Variants in TRMT2A observed in about 807,000 individuals in gnomAD.
TRMT2A encodes tRNA methyltransferase 2A.
Under a neutral mutation model 59.3 loss-of-function variants are expected in TRMT2A, and 60 were observed. The ratio of observed to expected loss-of-function variants is 1.01; its 90% CI spans 0.82 to 1.26. The LOEUF (loss-of-function observed/expected upper bound fraction) is 1.26. Ranked by LOEUF, TRMT2A falls within the 50% of genes most tolerant of loss-of-function variation. The pLI, the probability that TRMT2A is intolerant of heterozygous loss-of-function variation, is 0.00. For missense variants in TRMT2A, 863 were observed against 845.2 expected (o/e 1.02, Z -0.26); for synonymous variants, 403 against 353.7 (o/e 1.14, Z -1.56).
rs1391201782 is a variant in TRMT2A, at chr22:20,115,541, G to A, written c.709-94C>T. 9.1e-5 allele frequency: 143 copies of A among 1,564,940 alleles called. 1 individual carries two copies. The highest frequency in any genetic ancestry group is 5.6e-5 in the South Asian group (5 of 89,332). On this transcript the variant is annotated intron_variant, in intron 3 of 11. Coordinates refer to ENST00000252136, the MANE Select transcript of TRMT2A (RefSeq NM_022727.6). ...CACAGGGGCTGGCAGTCAAACAAGA[G>A]GAACAGCTGACAACTATGTGATGTT...
At position 20,117,138 on chromosome 22, in the gene TRMT2A, G is replaced by A; in HGVS notation, c.-232C>T. 1.8e-6 allele frequency: 1 copy of A among 571,202 alleles called. No homozygotes were observed. Among genetic ancestry groups the A allele is most frequent in the Non-Finnish European group, 2.9e-6 (1 of 345,912 alleles). The allele number at this position is 571,202 out of a possible 1,614,324, so 35.4% of individuals were successfully genotyped here. A position where few individuals can be genotyped will look rare whatever the true frequency, so the allele number is the denominator to read the frequency against. On this transcript the variant is annotated 5_prime_UTR_variant, in exon 1 of 12. Coordinates refer to ENST00000252136, the MANE Select transcript of TRMT2A (RefSeq NM_022727.6). ...CGGGTCTCAGGCTTGGGGCTGTACCGCCCGCCCGCCAGGGGCCCGCGCCGG... is the reference window on the plus strand; with the variant it reads ...CGGGTCTCAGGCTTGGGGCTGTACCACCCGCCCGCCAGGGGCCCGCGCCGG...
intron 4 of TRMT2A, 69 bp from the exon 5 acceptor site, chr22:20,115,148 C>T (rs550527872): frequency 1.9e-6 from 3 of 1,561,718 alleles, no homozygotes; most frequent in Non-Finnish European, 2.6e-6. Flanking sequence ...TCTCCTCTGG[C>T]CACACCTTCC....
rs763058885 is a variant in TRMT2A, at chr22:20,114,562, A to G, written c.1233+12T>C. On this transcript the variant is annotated intron_variant, in intron 7 of 11. Coordinates refer to ENST00000252136, the MANE Select transcript of TRMT2A (RefSeq NM_022727.6). ...CAACATGTCCCCATGCCCACCAGGG[A>G]CTCATGGCTACCTGGAAGAAGGCGT... The G allele has an allele frequency of 3.1e-6, 5 of 1,607,470 alleles. No individual in the cohort carries two copies. In the South Asian group the frequency reaches 5.5e-5, roughly 18 times the overall value.
rs200653246 is a variant in TRMT2A, at chr22:20,116,255, C to T, written c.382G>A (p.Val128Ile). 1.2e-4 allele frequency: 193 copies of T among 1,612,860 alleles called. No homozygotes were observed. Among genetic ancestry groups the T allele is most frequent in the East Asian group, 2.9e-4 (13 of 44,898 alleles). ...CCTTTCCAGAGGGCACCATGCAAAA[C>T]GCGCAGGGCCTTGTCCCTCTCTGCA... ...SAAERDKALR[V>I]LHGALWKGRP... is the part of the protein sequence containing the mutation. Residue 128 changes from valine to isoleucine, a missense_variant, in exon 2 of 12, where the codon GTT becomes ATT. By Grantham distance (29) the Val-to-Ile change is conservative. Transcript: ENST00000252136.
rs537374402 is a variant in TRMT2A at position 20,114,478 on chromosome 22, A to T, written c.1233+96T>A. 1.3e-5 allele frequency: 14 copies of T among 1,054,984 alleles called. No homozygotes were observed. The Middle Eastern group carries it at 8.0e-4, about 61-fold the overall frequency. 65.4% of individuals were successfully genotyped at this position (1,054,984 alleles called of 1,614,324 possible). Reference sequence around the variant, plus strand: ...GCTCACCTGCCTGGATACTCCCCCAAATCTCACCGCCTGAGCCCACTGTTC... The same window carrying T: ...GCTCACCTGCCTGGATACTCCCCCATATCTCACCGCCTGAGCCCACTGTTC... On this transcript the variant is annotated intron_variant, in intron 7 of 11. Coordinates refer to ENST00000252136, the MANE Select transcript of TRMT2A (RefSeq NM_022727.6).
chr22:20,112,385 C>T lies in TRMT2A; in HGVS notation c.*178G>A. ...GGGATGGGCAACAGGCTACAGGAAC[C>T]CACCTGTCTTCCTGGTCAGGGCCCC... On this transcript the variant is annotated 3_prime_UTR_variant, in exon 12 of 12. Coordinates refer to ENST00000252136, the MANE Select transcript of TRMT2A (RefSeq NM_022727.6). The T allele has an allele frequency of 1.3e-6, 1 of 788,818 alleles. No homozygotes were observed. The highest frequency in any genetic ancestry group is 2.0e-6 in the Non-Finnish European group (1 of 501,752). The allele number at this position is 788,818 out of a possible 1,614,324, so 48.9% of individuals were successfully genotyped here.
Position 20,115,430 on chromosome 22 carries a change from C to T in TRMT2A, c.726G>A (p.Lys242=), listed in dbSNP as rs374698499. The T allele has an allele frequency of 1.1e-5, 18 of 1,610,184 alleles. No homozygotes were observed. Among genetic ancestry groups the T allele is most frequent in the African/African-American group, 2.7e-5 (2 of 74,912 alleles). The change falls in exon 4 of 12, where the codon AAG becomes AAA. Residue 242 remains lysine, a synonymous_variant. Coordinates refer to ENST00000252136, the MANE Select transcript of TRMT2A (RefSeq NM_022727.6). ...PSPQQTEYRN[K]CEFLVGVGVD... is the part of the protein sequence containing the mutation. ...CCCCGACGCCAACCAGAAACTCACA[C>T]TTATTACGATACTCAGTCTGCAGGG...
rs988581474 is a variant in TRMT2A at position 20,114,563 on chromosome 22, C to G, written c.1233+11G>C. On this transcript the variant is annotated intron_variant, in intron 7 of 11. Coordinates refer to ENST00000252136, the MANE Select transcript of TRMT2A (RefSeq NM_022727.6). Reference sequence around the variant, plus strand: ...AACATGTCCCCATGCCCACCAGGGACTCATGGCTACCTGGAAGAAGGCGTG... The same window carrying G: ...AACATGTCCCCATGCCCACCAGGGAGTCATGGCTACCTGGAAGAAGGCGTG... 2.5e-6 allele frequency: 4 copies of G among 1,608,870 alleles called. No individual in the cohort carries two copies. The highest frequency in any genetic ancestry group is 3.4e-6 in the Non-Finnish European group (4 of 1,175,668).
chr22:20,113,414 C>CCCCG lies in TRMT2A; in HGVS notation c.1432+17_1432+18insCGGG. 1 of 1,590,682 alleles carries CCCCG rather than the reference C, an allele frequency of 6.3e-7. No homozygotes were observed. Among genetic ancestry groups the CCCCG allele is most frequent in the Non-Finnish European group, 8.6e-7 (1 of 1,166,890 alleles). ...GGCTGCCCCCATCCCCACCCCCACCCACGGCCTTGCCACTCACCATTGTCC... is the reference window on the plus strand; with the variant it reads ...GGCTGCCCCCATCCCCACCCCCACCCCCCGACGGCCTTGCCACTCACCATTGTCC... On this transcript the variant is annotated intron_variant, in intron 9 of 11. Transcript: ENST00000252136.
At chr22:20,114,381 G>T (rs1057513591) in intron 7 of TRMT2A, among the ~76,000 whole-genome samples, 193 bp downstream of exon 7, 2 of 152,224 alleles carry the variant, frequency 1.3e-5, no homozygotes, top group Admixed American at 1.3e-4. Flanking sequence ...GGCCACTGCC[G>T]TGTGTACCTC....
chr22:20,116,948 G>C lies in TRMT2A; in HGVS notation c.-42C>G. 1 of 1,572,798 alleles carries C rather than the reference G, an allele frequency of 6.4e-7. No individual in the cohort carries two copies. Among genetic ancestry groups the C allele is most frequent in the Non-Finnish European group, 8.6e-7 (1 of 1,158,818 alleles). ...CGCCTAGACCAGGGACGCCATGGGG[G>C]CCGCCTGGCCACCTCGTCCTGGGCC... On this transcript the variant is annotated 5_prime_UTR_variant, in exon 1 of 12. Coordinates refer to ENST00000252136, the MANE Select transcript of TRMT2A (RefSeq NM_022727.6).
Position 20,112,756 on chromosome 22 carries a change from G to C in TRMT2A, c.1685C>G (p.Pro562Arg). Residue 562 changes from proline to arginine, a missense_variant, in exon 12 of 12, where the codon CCC becomes CGC. Physicochemically the swap from Pro to Arg is moderately radical, Grantham distance 103 (BLOSUM62 -2). Coordinates refer to ENST00000252136, the MANE Select transcript of TRMT2A (RefSeq NM_022727.6). The stretch of plus-strand genomic sequence containing the variant: ...TGCCACAGCCTTGACCGGCCGGAAG[G>C]GAATGCCCTTCACCCGGTTAGATGG... ...RAPSNRVKGI[P>R]FRPVKAVAVD... The C allele has an allele frequency of 6.2e-7, 1 of 1,613,766 alleles. No homozygotes were observed. Among genetic ancestry groups the C allele is most frequent in the Non-Finnish European group, 8.5e-7 (1 of 1,180,010 alleles).
rs1602506523 is a variant in TRMT2A, at chr22:20,112,805, A to G, written c.1647-11T>C. The G allele has an allele frequency of 1.2e-6, 2 of 1,612,300 alleles. No homozygotes were observed. The highest frequency in any genetic ancestry group is 1.3e-5 in the African/African-American group (1 of 74,898). On this transcript the variant is annotated splice_polypyrimidine_tract_variant and intron_variant, in intron 11 of 11. Coordinates refer to ENST00000252136, the MANE Select transcript of TRMT2A (RefSeq NM_022727.6). ...GGGGCTCTGCAGAGGCTGTGGGGGG[A>G]AAAGGGGGGCGCTAAGGTCAGCCGA... is the stretch of plus-strand genomic sequence containing the variant.
In TRMT2A at chr22:20,114,714, G is replaced by A. The variant is rs376958830; in HGVS notation, c.1122-29C>T. On this transcript the variant is annotated intron_variant, in intron 6 of 11. Coordinates refer to ENST00000252136, the MANE Select transcript of TRMT2A (RefSeq NM_022727.6). ...TGGGCGAAGGTGCAGGTCCTTCAGT[G>A]TCACAGTCCCTGCAGGGACCTGCCC... 170 of 1,611,870 alleles carry A rather than the reference G, an allele frequency of 1.1e-4. 1 individual carries two copies. In the African/African-American group the frequency reaches 2.1e-3, roughly 20 times the overall value.
At chr22:20,113,056 C>A (rs1303683517) in intron 10 of TRMT2A, 49 bp from the exon 11 acceptor site, 1 of 1,612,304 alleles carries the variant, frequency 6.2e-7, no homozygotes, top group African/African-American at 1.3e-5. Flanking sequence ...GAGTGCATAA[C>A]ATGGTGAGCC....
chr22:20,115,078 A>G lies in TRMT2A; in HGVS notation c.892T>C (p.Ser298Pro). The G allele has an allele frequency of 6.3e-7, 1 of 1,588,896 alleles. No individual in the cohort carries two copies. ...GGGTCGTATGCCGAGTATGGAGTGG[A>G]CCTGTGGGAATCACGAGCTGGCCCA... ...VVKAFQEFIR[S>P]TPYSAYDPET... The change falls in exon 5 of 12, where the codon TCC becomes CCC. Residue 298 changes from serine (S) to proline (P), a missense_variant and splice_region_variant. Physicochemically the swap from Ser to Pro is moderately conservative, Grantham distance 74. Coordinates refer to ENST00000252136, the MANE Select transcript of TRMT2A (RefSeq NM_022727.6).
At chr22:20,113,874 C>T in intron 7 of TRMT2A, 66 bp from the exon 8 acceptor site, 1 of 1,485,896 alleles carries the variant, frequency 6.7e-7, no homozygotes, top group Non-Finnish European at 8.9e-7. Context: ...TGCCCCGACG[C>T]CCACATTCCT....
chr22:20,116,257 C>A lies in TRMT2A; in HGVS notation c.380G>T (p.Arg127Leu), dbSNP rs560448160. The A allele has an allele frequency of 1.2e-5, 20 of 1,612,990 alleles. No homozygotes were observed. In the East Asian group the frequency reaches 4.5e-4, roughly 36 times the overall value. The change falls in exon 2 of 12, where the codon CGC becomes CTC. Residue 127 changes from arginine (R) to leucine (L), a missense_variant. By Grantham distance (102) the Arg-to-Leu change is moderately radical. Coordinates refer to ENST00000252136, the MANE Select transcript of TRMT2A (RefSeq NM_022727.6). Reference protein sequence around the residue: ...RSAAERDKALRVLHGALWKGR... With the variant: ...RSAAERDKALLVLHGALWKGR... The stretch of plus-strand genomic sequence containing the variant: ...TTTCCAGAGGGCACCATGCAAAACG[C>A]GCAGGGCCTTGTCCCTCTCTGCAGC...
At position 20,116,890 on chromosome 22, in the gene TRMT2A, T is replaced by C; in HGVS notation, c.17A>G (p.Asp6Gly). 5 of 1,605,056 alleles carry C rather than the reference T, an allele frequency of 3.1e-6. No individual in the cohort carries two copies. Among genetic ancestry groups the C allele is most frequent in the Non-Finnish European group, 4.3e-6 (5 of 1,176,378 alleles). The change falls in exon 1 of 12, where the codon GAC becomes GGC. Residue 6 changes from aspartate (D) to glycine (G), a missense_variant. Coordinates refer to ENST00000252136, the MANE Select transcript of TRMT2A (RefSeq NM_022727.6). Reference protein sequence around the residue: MSENLDNEGPKPMESC... With the variant: MSENLGNEGPKPMESC... ...CGTCTCCCCGCACTCTACCTCGTTG[T>C]CGAGGTTCTCACTCATCGCCCAGGC... is the stretch of plus-strand genomic sequence containing the variant.
Sources: allele counts gnomAD v4.1 joint callset (sites outside exome capture counted in the v4.1 genomes callset), GRCh38; gene constraint gnomAD v4.1.1; transcripts MANE v1.5; gene names NCBI Gene and HGNC (gene_info 2026-07-23, HGNC 2026-07-21).